The following DISC1 variants were observed in gnomAD, a reference collection of about 807,000 sequenced individuals.
The protein encoded by DISC1 is DISC1 scaffold protein.
A neutral mutation model predicts 84.5 loss-of-function variants in DISC1; 57 were observed. The observed-to-expected ratio is 0.67, with a 90% CI of 0.55 to 0.84. The LOEUF (loss-of-function observed/expected upper bound fraction) is 0.84. Among genes scored for constraint, DISC1 ranks in the 40% least tolerant of loss-of-function variants. DISC1 has a pLI of 0.00. For synonymous variants in DISC1, 411 were observed against 415.2 expected, an observed-to-expected ratio of 0.99 and a Z score of 0.12; for missense variants, 1,000 against 1,057.8, an observed-to-expected ratio of 0.95 and a Z score of 0.76.
At chr1:231,994,466 GC>G (rs1665633446) in intron 10 of DISC1, among the ~76,000 whole-genome samples, 1 of 152,184 alleles carries the variant, frequency 6.6e-6, no homozygotes. Flanking sequence ...ACCAAGGTCA[GC>G]CCAGATTCAA....
chr1:231,697,596 T>G (rs2065880551), intron 2 of DISC1, among the ~76,000 whole-genome samples: 2 of 150,582 alleles, frequency 1.3e-5, no homozygotes, highest in African/African-American at 4.9e-5. Flanking sequence ...CATGCCACCA[T>G]GCCTGGCTAA....
intron 9 of DISC1, among the ~76,000 whole-genome samples, chr1:231,889,360 C>G (rs557629160): frequency 1.3e-4 from 20 of 152,234 alleles, no homozygotes; most frequent in African/African-American, 4.3e-4. Flanking sequence ...TTCAGAGAAA[C>G]ATCAAATTGA....
chr1:231,924,658 ATT>A (rs1338480700), intron 9 of DISC1, among the ~76,000 whole-genome samples: 15 of 142,340 alleles, frequency 1.1e-4, no homozygotes, highest in Non-Finnish European at 7.7e-5. Context: ...ATTTGCAACA[ATT>A]TTTTTTTTTT....
At chr1:232,004,332 A>T (rs1003519656) in intron 10 of DISC1, among the ~76,000 whole-genome samples, 3 of 152,088 alleles carry the variant, frequency 2.0e-5, no homozygotes, top group African/African-American at 7.2e-5. Context: ...CTTTGATAAG[A>T]CTGAATAAGA....
chr1:231,850,344 C>T (rs186803514), intron 9 of DISC1, among the ~76,000 whole-genome samples: 32 of 152,358 alleles, frequency 2.1e-4, no homozygotes, highest in African/African-American at 4.8e-4. Context: ...TTACCAATGA[C>T]GCCAGAGTTG....
chr1:232,016,651 A>G (rs990569145), intron 11 of DISC1, among the ~76,000 whole-genome samples: 1 of 152,234 alleles, frequency 6.6e-6, no homozygotes, highest in African/African-American at 2.4e-5. Flanking sequence ...AACATATGCC[A>G]ATTAGCAAGC....
intron 9 of DISC1, among the ~76,000 whole-genome samples, chr1:231,833,365 T>A (rs897359916): frequency 3.3e-5 from 5 of 151,228 alleles, no homozygotes; most frequent in Non-Finnish European, 7.4e-5. Context: ...GTAGCCTCCA[T>A]ATTGATTAAG....
intron 4 of DISC1, among the ~76,000 whole-genome samples, chr1:231,762,273 T>A (rs1324952652): frequency 2.0e-5 from 3 of 146,552 alleles, no homozygotes; most frequent in Non-Finnish European, 4.5e-5. Context: ...TTTCCTTTCC[T>A]TTCCTTTTCT....
chr1:231,922,304 A>T (rs1169097436), intron 9 of DISC1, among the ~76,000 whole-genome samples: 1 of 152,216 alleles, frequency 6.6e-6, no homozygotes. Flanking sequence ...AGCAGTTTTC[A>T]TGGCAGAAAG....
intron 6 of DISC1, among the ~76,000 whole-genome samples, chr1:231,786,237 AG>A (rs2077848867): frequency 6.6e-6 from 1 of 152,234 alleles, no homozygotes; most frequent in Admixed American, 6.5e-5. Context: ...AATATGGGAT[AG>A]TAGACCTGGA....
At chr1:231,912,033 A>G (rs1452151532) in intron 9 of DISC1, among the ~76,000 whole-genome samples, 1 of 152,118 alleles carries the variant, frequency 6.6e-6, no homozygotes, top group Non-Finnish European at 1.5e-5. Context: ...AAAGTCATTT[A>G]AGGTCTTTTC....
chr1:231,814,685 C>G (rs543819399), intron 8 of DISC1, among the ~76,000 whole-genome samples: 59 of 152,214 alleles, frequency 3.9e-4, no homozygotes, highest in Middle Eastern at 6.8e-3. Context: ...GTCTGCCAAA[C>G]TGCTAACACC....
intron 8 of DISC1, among the ~76,000 whole-genome samples, chr1:231,808,657 A>G (rs936217347): frequency 5.6e-4 from 86 of 152,332 alleles, no homozygotes; most frequent in Non-Finnish European, 2.2e-4. Context: ...AGATGGCCCA[A>G]TGCCTAGTTG....
chr1:231,659,814 A>G (rs1252329087), intron 1 of DISC1, among the ~76,000 whole-genome samples: 1 of 152,064 alleles, frequency 6.6e-6, no homozygotes. Context: ...CTTGAGTTCT[A>G]ATTTGATGGT....
At chr1:231,784,127 G>C (rs983583110) in intron 6 of DISC1, among the ~76,000 whole-genome samples, 1 of 152,090 alleles carries the variant, frequency 6.6e-6, no homozygotes, top group Admixed American at 6.5e-5. Context: ...TCCGGGCATG[G>C]TGGTGCGCAC....
intron 8 of DISC1, among the ~76,000 whole-genome samples, chr1:231,810,308 T>C (rs1264915530): frequency 6.6e-6 from 1 of 152,232 alleles, no homozygotes; most frequent in Non-Finnish European, 1.5e-5. Context: ...AGAGGCCACC[T>C]GACATATGGC....
intron 1 of DISC1, among the ~76,000 whole-genome samples, chr1:231,676,146 G>A (rs543263422): frequency 1.3e-5 from 2 of 152,254 alleles, no homozygotes; most frequent in African/African-American, 4.8e-5. Flanking sequence ...CGCCCCCATC[G>A]TCTGCTGGTA....
At chr1:231,796,580 G>A (rs1172063386) in intron 7 of DISC1, among the ~76,000 whole-genome samples, 1 of 152,076 alleles carries the variant, frequency 6.6e-6, no homozygotes, top group Admixed American at 6.6e-5. Context: ...ATTTATTTCT[G>A]AAAACAACAC....
chr1:231,916,197 A>C (rs1438722449), intron 9 of DISC1, among the ~76,000 whole-genome samples: 1 of 152,240 alleles, frequency 6.6e-6, no homozygotes, highest in Admixed American at 6.5e-5. Context: ...TCAACGGGTC[A>C]GAATTTCTTA....
Sources: gnomAD v4.1 joint callset for allele counts (sites outside exome capture counted in the v4.1 genomes callset) on GRCh38, gnomAD v4.1.1 for gene constraint, MANE v1.5 for transcripts, NCBI Gene and HGNC (gene_info 2026-07-23, HGNC 2026-07-21) for gene names.